The following CELF2 variants were observed in gnomAD, a reference collection of about 807,000 sequenced individuals.
CELF2 encodes CUGBP Elav-like family member 2.
In CELF2, 8 loss-of-function variants were observed where a neutral mutation model predicts 62.6. That is an observed-to-expected ratio of 0.13 (90% CI 0.07 to 0.23). The LOEUF (loss-of-function observed/expected upper bound fraction) is 0.23, where lower values mean the gene tolerates loss of function less well. Among genes scored for constraint, CELF2 ranks in the 10% least tolerant of loss-of-function variants. The pLI is 1.00. For missense variants in CELF2, 333 were observed against 671.0 expected, an observed-to-expected ratio of 0.50 and a Z score of 5.56; for synonymous variants, 258 against 250.0, an observed-to-expected ratio of 1.03 and a Z score of -0.30.
At chr10:11,310,250 G>A (rs1004724242) in intron 9 of CELF2, among the ~76,000 whole-genome samples, 5 of 152,162 alleles carry the variant, frequency 3.3e-5, no homozygotes, top group African/African-American at 9.7e-5. Flanking sequence ...CCCCCTCCCT[G>A]GGAGAAACCA....
chr10:11,140,908 T>C (rs555043228), intron 1 of CELF2, among the ~76,000 whole-genome samples: 1 of 152,268 alleles, frequency 6.6e-6, no homozygotes, highest in South Asian at 2.1e-4. Flanking sequence ...TCCCAGTTAC[T>C]TGGGAGGCTG....
intron 1 of CELF2, among the ~76,000 whole-genome samples, chr10:11,006,641 T>C (rs1592999754): frequency 6.6e-6 from 1 of 152,364 alleles, no homozygotes; most frequent in South Asian, 2.1e-4. Flanking sequence ...TTACAGTTTT[T>C]AGTCTCTGCT....
intron 9 of CELF2, among the ~76,000 whole-genome samples, chr10:11,293,620 C>T (rs769641625): frequency 6.6e-6 from 1 of 152,198 alleles, no homozygotes; most frequent in African/African-American, 2.4e-5. Context: ...AGGGCACACT[C>T]GGCCTCCCTT....
chr10:11,021,961 G>A (rs1203689082), intron 1 of CELF2, among the ~76,000 whole-genome samples: 3 of 152,114 alleles, frequency 2.0e-5, no homozygotes, highest in Non-Finnish European at 2.9e-5. Context: ...TATTAACTAA[G>A]CAGAATACGT....
At chr10:10,552,546 G>A in the CELF2 span, among the ~76,000 whole-genome samples, 1 of 152,096 alleles carries the variant, frequency 6.6e-6, no homozygotes, top group South Asian at 2.1e-4. Context: ...GGATAAAAAA[G>A]CTAAATGTTT....
chr10:10,853,551 G>A (rs1007154341), intron 1 of CELF2, among the ~76,000 whole-genome samples: 1 of 152,122 alleles, frequency 6.6e-6, no homozygotes, highest in Admixed American at 6.5e-5. Flanking sequence ...GGTAGGAACA[G>A]GAGGCTGGGG....
chr10:10,906,717 C>CTTTTTTTTTTTTTTTTT (rs397846553), intron 1 of CELF2, among the ~76,000 whole-genome samples: 14 of 109,264 alleles, frequency 1.3e-4, no homozygotes, highest in African/African-American at 1.4e-4. Flanking sequence ...TTTTTCTTTT[C>CTTTTTTTTTTTTTTTTT]TTTTTTTTTT....
chr10:11,235,644 A>C (rs551985551), intron 3 of CELF2, among the ~76,000 whole-genome samples: 30 of 152,226 alleles, frequency 2.0e-4, no homozygotes, highest in South Asian at 2.1e-4. Context: ...AAGCAAAGTC[A>C]GTGCAACTAT....
At chr10:10,684,990 CA>C in the CELF2 span, among the ~76,000 whole-genome samples, 1 of 152,098 alleles carries the variant, frequency 6.6e-6, no homozygotes, top group African/African-American at 2.4e-5. Context: ...GCAAAACCAA[CA>C]AAGACAGGAG....
the CELF2 span, among the ~76,000 whole-genome samples, chr10:10,561,265 C>T: frequency 6.6e-6 from 1 of 152,180 alleles, no homozygotes; most frequent in Non-Finnish European, 1.5e-5. Context: ...TCTCCCCTTT[C>T]CAGCCACACT....
the CELF2 span, among the ~76,000 whole-genome samples, chr10:10,491,906 A>G: frequency 6.6e-6 from 1 of 152,054 alleles, no homozygotes; most frequent in East Asian, 1.9e-4. Flanking sequence ...ATCTTTTCTT[A>G]TACATGAGAT....
chr10:10,942,683 G>C (rs1243741322), intron 2 of CELF2, among the ~76,000 whole-genome samples: 1 of 152,196 alleles, frequency 6.6e-6, no homozygotes, highest in Non-Finnish European at 1.5e-5. Context: ...ATTATACAAA[G>C]ACATGAATAC....
chr10:11,052,056 A>G (rs1426804301), intron 1 of CELF2, among the ~76,000 whole-genome samples: 1 of 151,980 alleles, frequency 6.6e-6, no homozygotes, highest in African/African-American at 2.4e-5. Context: ...CAGGTGTGCA[A>G]TGCCACGCTG....
rs1392921127 is a variant in CELF2, at chr10:11,246,649, A to G, written c.355-2504A>G. ...AAACTCCTCTCCTCTCATGGCTCCC[A>G]TGGGACCAGTTGCTCCTGCAGCTCC... On this transcript the variant is annotated intron_variant, in intron 3 of 12. Coordinates refer to ENST00000633077, the MANE Select transcript of CELF2 (RefSeq NM_001326342.2). The surrounding 1 kb of genome is among the most constrained non-coding windows in gnomAD (Gnocchi z 4.6). Among the ~76,000 whole-genome samples the G allele has an allele frequency of 6.6e-6, 1 of 152,112 alleles. No individual in the cohort carries two copies. Among genetic ancestry groups the G allele is most frequent in the Non-Finnish European group, 1.5e-5 (1 of 68,022 alleles).
At chr10:10,642,680 AT>A in the CELF2 span, among the ~76,000 whole-genome samples, 1 of 152,234 alleles carries the variant, frequency 6.6e-6, no homozygotes, top group Non-Finnish European at 1.5e-5. Flanking sequence ...GAAAACACTT[AT>A]TTTTAACAGG....
the CELF2 span, among the ~76,000 whole-genome samples, chr10:10,528,197 A>G: frequency 6.6e-6 from 1 of 152,178 alleles, no homozygotes; most frequent in South Asian, 2.1e-4. Context: ...CATAAAGTTA[A>G]TACAGCAGAA....
At chr10:10,828,049 A>T (rs1467678455) in intron 1 of CELF2, among the ~76,000 whole-genome samples, 1 of 147,880 alleles carries the variant, frequency 6.8e-6, no homozygotes, top group African/African-American at 2.5e-5. Context: ...GTTTTGGTAC[A>T]GTGTTGGTGG....
intron 1 of CELF2, among the ~76,000 whole-genome samples, chr10:10,897,300 G>A (rs141098906): frequency 1.2e-3 from 179 of 152,272 alleles, no homozygotes; most frequent in African/African-American, 3.9e-3. Flanking sequence ...ATGCTTTTTA[G>A]AAAGAGGTAG....
chr10:10,853,764 G>A (rs899421691), intron 1 of CELF2, among the ~76,000 whole-genome samples: 2 of 152,178 alleles, frequency 1.3e-5, no homozygotes, highest in African/African-American at 4.8e-5. Context: ...CCAGATTTTA[G>A]CTTCACACTA....
Sources: allele counts gnomAD v4.1 joint callset (sites outside exome capture counted in the v4.1 genomes callset), GRCh38; gene constraint gnomAD v4.1.1; non-coding constraint Gnocchi (gnomAD v3.1); transcripts MANE v1.5; gene names NCBI Gene and HGNC (gene_info 2026-07-23, HGNC 2026-07-21).